The following FRMD3 variants were observed in gnomAD, a reference collection of about 807,000 sequenced individuals.
FRMD3 encodes FERM domain containing 3.
In FRMD3, 33 loss-of-function variants were observed where a neutral mutation model predicts 70.2. That is an observed-to-expected ratio of 0.47 (90% CI 0.36 to 0.63). FRMD3 has a LOEUF of 0.63. Among genes scored for constraint, FRMD3 ranks in the 20% least tolerant of loss-of-function variants. The pLI is 0.00. For synonymous variants in FRMD3, 279 were observed against 255.9 expected (o/e 1.09, Z -0.86); for missense variants, 632 against 711.4 (o/e 0.89, Z 1.27).
Position 83,246,416 on chromosome 9 carries a change from T to C in FRMD3, c.*1502A>G. ...CATTAAATTGTTGGATTAAATCCTTTCCATCATGGATTTAATGGTATCAAG... is the reference window on the plus strand; with the variant it reads ...CATTAAATTGTTGGATTAAATCCTTCCCATCATGGATTTAATGGTATCAAG... On this transcript the variant is annotated 3_prime_UTR_variant, in exon 14 of 14. Transcript: ENST00000304195. 1 of 982,890 alleles carries C rather than the reference T, an allele frequency of 1.0e-6. No homozygotes were observed. Among genetic ancestry groups the C allele is most frequent in the South Asian group, 4.7e-5 (1 of 21,210 alleles). 60.9% of individuals were successfully genotyped at this position (982,890 alleles called of 1,614,324 possible). A position where few individuals can be genotyped will look rare whatever the true frequency, so the allele number is the denominator to read the frequency against.
chr9:83,490,073 C>T (rs1318580980), intron 1 of FRMD3, among the ~76,000 whole-genome samples: 1 of 152,142 alleles, frequency 6.6e-6, no homozygotes, highest in Non-Finnish European at 1.5e-5. Flanking sequence ...TGTTCTATCA[C>T]CTTGCTTTTT....
At chr9:83,549,507 T>A in the FRMD3 span, among the ~76,000 whole-genome samples, 30 of 152,244 alleles carry the variant, frequency 2.0e-4, 2 homozygotes, top group East Asian at 5.0e-3. Flanking sequence ...AGCTTTTAGC[T>A]CTTTGAGGGA....
chr9:83,259,558 T>A (rs1230795620), intron 13 of FRMD3, among the ~76,000 whole-genome samples: 1 of 152,206 alleles, frequency 6.6e-6, no homozygotes, highest in African/African-American at 2.4e-5. Flanking sequence ...AATAATTTTC[T>A]CCTAATTTCT....
the FRMD3 span, among the ~76,000 whole-genome samples, chr9:83,569,799 G>C: frequency 6.6e-6 from 1 of 152,138 alleles, no homozygotes; most frequent in Non-Finnish European, 1.5e-5. Flanking sequence ...ATATACTTCA[G>C]CATATTTCTA....
At chr9:83,477,111 A>T (rs1013930500) in intron 1 of FRMD3, among the ~76,000 whole-genome samples, 3 of 152,222 alleles carry the variant, frequency 2.0e-5, no homozygotes, top group Non-Finnish European at 4.4e-5. Flanking sequence ...TGCAGCAGCA[A>T]CAGCATCACC....
the FRMD3 span, among the ~76,000 whole-genome samples, chr9:83,574,129 C>T: frequency 9.9e-5 from 15 of 152,202 alleles, no homozygotes; most frequent in Non-Finnish European, 1.8e-4. Flanking sequence ...GGCAAAGCCA[C>T]ACCCAGCTAC....
chr9:83,528,684 G>A (rs1310561638), intron 1 of FRMD3, among the ~76,000 whole-genome samples: 1 of 151,846 alleles, frequency 6.6e-6, no homozygotes, highest in Non-Finnish European at 1.5e-5. Flanking sequence ...CACGCACCAA[G>A]CCCAGCTAAT....
rs540246326 is a variant in FRMD3, at chr9:83,321,213, C to T, written c.597-7466G>A. Among the ~76,000 whole-genome samples, 198 of 152,064 alleles carry T rather than the reference C, an allele frequency of 1.3e-3. 1 individual carries two copies. Among genetic ancestry groups the T allele is most frequent in the Non-Finnish European group, 2.2e-3 (151 of 67,976 alleles). Reference sequence around the variant, plus strand: ...TGCTCTGATCTTTGTTATTTCTTTTCTTCTGCTAAGTGTGTGTTTAGTTTG... The same window carrying T: ...TGCTCTGATCTTTGTTATTTCTTTTTTTCTGCTAAGTGTGTGTTTAGTTTG... On this transcript the variant is annotated intron_variant, in intron 6 of 13. Transcript: ENST00000304195.
At chr9:83,472,768 G>A (rs375947039) in intron 1 of FRMD3, among the ~76,000 whole-genome samples, 1 of 152,020 alleles carries the variant, frequency 6.6e-6, no homozygotes, top group African/African-American at 2.4e-5. Context: ...CTCTGCCACC[G>A]ATGAGAAGAA....
intron 1 of FRMD3, among the ~76,000 whole-genome samples, chr9:83,433,725 G>C (rs1587848225): frequency 6.6e-6 from 1 of 150,658 alleles, no homozygotes; most frequent in Non-Finnish European, 1.5e-5. Flanking sequence ...ATTCTCATAG[G>C]GAATGTGCAA....
chr9:83,407,837 G>GTCTCTCTC (rs761983764), intron 1 of FRMD3, among the ~76,000 whole-genome samples: 2,764 of 103,396 alleles, frequency 0.027, 140 homozygotes, highest in African/African-American at 0.042. Context: ...GGGTTGTTGA[G>GTCTCTCTC]TCTCTCTCTC....
chr9:83,413,196 G>A (rs1380717599), intron 1 of FRMD3, among the ~76,000 whole-genome samples: 2 of 152,164 alleles, frequency 1.3e-5, no homozygotes, highest in African/African-American at 2.4e-5. Flanking sequence ...GTACATCAAA[G>A]TTTAAATTCA....
the FRMD3 span, among the ~76,000 whole-genome samples, chr9:83,572,892 T>C: frequency 9.2e-5 from 14 of 152,236 alleles, no homozygotes; most frequent in African/African-American, 3.4e-4. Flanking sequence ...TCTACATTTA[T>C]CTTTTCCTGT....
downstream of FRMD3, chr9:83,243,110 C>T (rs1042899562): frequency 2.3e-6 from 3 of 1,332,244 alleles, no homozygotes; most frequent in Non-Finnish European, 3.2e-6. Flanking sequence ...GTGGGGCCCA[C>T]CGAACTTACC....
rs529511084 is a variant in FRMD3 at position 83,258,445 on chromosome 9, A to G, written c.1196-9929T>C. On this transcript the variant is annotated intron_variant, in intron 13 of 13. Coordinates refer to ENST00000304195, the MANE Select transcript of FRMD3 (RefSeq NM_174938.6). ...AAAACAGCTAAAGAGCCTGGCTAAC[A>G]GCCCTTGTCTAGTTTGCCTGTGGGT... Among the ~76,000 whole-genome samples, 106 of 152,364 alleles carry G rather than the reference A, an allele frequency of 7.0e-4. 1 individual carries two copies. Among genetic ancestry groups the G allele is most frequent in the Admixed American group, 6.9e-3 (105 of 15,300 alleles).
At chr9:83,300,141 C>A (rs1275673981) in intron 10 of FRMD3, among the ~76,000 whole-genome samples, 2 of 152,200 alleles carry the variant, frequency 1.3e-5, no homozygotes, top group African/African-American at 4.8e-5. Flanking sequence ...GCGCAGTGAT[C>A]CCCACCCTTG....
At chr9:83,297,796 C>T (rs942429271) in intron 12 of FRMD3, 1 of 471,712 alleles carries the variant, frequency 2.1e-6, no homozygotes, top group African/African-American at 2.0e-5. Context: ...AAAGCAGGAA[C>T]AAATTTTCTT....
chr9:83,416,852 T>C (rs1826473188), intron 1 of FRMD3, among the ~76,000 whole-genome samples: 1 of 150,058 alleles, frequency 6.7e-6, no homozygotes, highest in Non-Finnish European at 1.5e-5. Flanking sequence ...AGGAATAGTG[T>C]TCACTATGTT....
the FRMD3 span, among the ~76,000 whole-genome samples, chr9:83,562,894 C>T: frequency 4.6e-5 from 7 of 151,504 alleles, no homozygotes; most frequent in Non-Finnish European, 7.4e-5. Flanking sequence ...GGCCAATGCC[C>T]CCCCCCCAGC....
Sources: gnomAD v4.1 joint callset for allele counts (sites outside exome capture counted in the v4.1 genomes callset) on GRCh38, gnomAD v4.1.1 for gene constraint, MANE v1.5 for transcripts, NCBI Gene and HGNC (gene_info 2026-07-23, HGNC 2026-07-21) for gene names.